MAGI1: variants seen among roughly 807,000 people sequenced by gnomAD.
MAGI1 encodes membrane-associated guanylate kinase, WW and PDZ domain-containing protein 1.
MAGI1 carries 58 observed loss-of-function variants against 139.9 expected under a neutral mutation model. The observed-to-expected ratio is 0.41, with a 90% confidence interval of 0.34 to 0.52. MAGI1 has a LOEUF of 0.52. Ranked by LOEUF, MAGI1 falls within the 20% of genes least tolerant of loss-of-function variation. The pLI is 0.12. For missense variants in MAGI1, 1,874 were observed against 1,901.6 expected (o/e 0.99, Z 0.27); for synonymous variants, 812 against 737.9 (o/e 1.10, Z -1.63).
Position 65,363,673 on chromosome 3 carries a change from ATTCTTGGC to A in MAGI1, c.3352-73_3352-66del. 12 of 1,444,144 alleles carry A rather than the reference ATTCTTGGC, an allele frequency of 8.3e-6. No individual in the cohort carries two copies. In the Admixed American group the frequency reaches 1.0e-4, roughly 12 times the overall value. 89.5% of individuals were successfully genotyped at this position (1,444,144 alleles called of 1,614,324 possible). On this transcript the variant is annotated intron_variant, in intron 20 of 22. Transcript: ENST00000402939. ...AATATCCATAGGACTCTTCCTAAAC[ATTCTTGGC>A]AAAAAGGCACAATCTCTATCCCCCT...
intron 2 of MAGI1, among the ~76,000 whole-genome samples, chr3:65,557,688 G>A (rs183855548): frequency 6.6e-4 from 100 of 152,240 alleles, no homozygotes; most frequent in African/African-American, 2.2e-3. Context: ...ATCGATCAGT[G>A]CCAGTCTCCT....
chr3:65,937,669 C>A (rs1190393528), intron 1 of MAGI1, among the ~76,000 whole-genome samples: 2 of 151,922 alleles, frequency 1.3e-5, no homozygotes, highest in Admixed American at 6.6e-5. Flanking sequence ...TAAGCCACTT[C>A]TTTTATTTTG....
At chr3:65,422,463 G>A (rs1575687220) in intron 12 of MAGI1, among the ~76,000 whole-genome samples, 1 of 152,128 alleles carries the variant, frequency 6.6e-6, no homozygotes, top group East Asian at 1.9e-4. Flanking sequence ...CTGGGGGGTG[G>A]TCAGTCTATT....
At chr3:65,760,376 A>T (rs1190006579) in intron 1 of MAGI1, among the ~76,000 whole-genome samples, 1 of 148,414 alleles carries the variant, frequency 6.7e-6, no homozygotes, top group Non-Finnish European at 1.5e-5. Context: ...GCAAGGAAGT[A>T]ACAGAGCGGT....
intron 1 of MAGI1, among the ~76,000 whole-genome samples, chr3:65,832,921 CA>C (rs2042604077): frequency 2.6e-5 from 4 of 152,160 alleles, no homozygotes; most frequent in Admixed American, 2.6e-4. Flanking sequence ...ATGACTGTAT[CA>C]AGGAAGCAGA....
At chr3:65,549,879 G>C (rs967348625) in intron 2 of MAGI1, among the ~76,000 whole-genome samples, 1 of 152,024 alleles carries the variant, frequency 6.6e-6, no homozygotes, top group African/African-American at 2.4e-5. Flanking sequence ...AGCAGGAAGA[G>C]AGCTGAACCT....
At chr3:65,640,763 C>T (rs1028240904) in intron 1 of MAGI1, among the ~76,000 whole-genome samples, 1 of 152,198 alleles carries the variant, frequency 6.6e-6, no homozygotes, top group African/African-American at 2.4e-5. Flanking sequence ...CCTAAAATAA[C>T]ATTTTAAAAC....
chr3:65,396,550 T>C (rs376766544), intron 13 of MAGI1, among the ~76,000 whole-genome samples: 3 of 152,212 alleles, frequency 2.0e-5, no homozygotes, highest in East Asian at 3.8e-4. Context: ...AAAATGTAGG[T>C]ACTTAGAAAG....
chr3:65,645,610 G>A (rs1208467171), intron 1 of MAGI1, among the ~76,000 whole-genome samples: 2 of 152,184 alleles, frequency 1.3e-5, no homozygotes, highest in East Asian at 3.9e-4. Flanking sequence ...GAAAAACAAT[G>A]AAAAGAGTAA....
At chr3:65,516,814 G>A (rs893106719) in intron 2 of MAGI1, among the ~76,000 whole-genome samples, 508 of 128,962 alleles carry the variant, frequency 3.9e-3, no homozygotes, top group Non-Finnish European at 6.1e-3. Context: ...TGCAAGCTCC[G>A]CCTCCCGGGT....
intron 1 of MAGI1, among the ~76,000 whole-genome samples, chr3:65,849,055 C>CTTTTTTTTTTTTTT (rs2059113059): frequency 4.2e-5 from 2 of 47,450 alleles, no homozygotes; most frequent in Non-Finnish European, 4.0e-5. Context: ...TGGAGTTTTG[C>CTTTTTTTTTTTTTT]TCTTTTTGCC....
chr3:65,717,458 C>G (rs2032411559), intron 1 of MAGI1: 1 of 152,112 alleles, frequency 6.6e-6, no homozygotes, highest in Non-Finnish European at 1.5e-5. Context: ...TAGTTACATA[C>G]TAGTAATGCA....
intron 1 of MAGI1, among the ~76,000 whole-genome samples, chr3:65,775,142 T>C (rs1389637966): frequency 6.6e-6 from 1 of 152,144 alleles, no homozygotes; most frequent in Admixed American, 6.6e-5. Flanking sequence ...TGAAATCCTA[T>C]GAATATAACA....
intron 1 of MAGI1, among the ~76,000 whole-genome samples, chr3:65,762,967 T>G (rs767182135): frequency 6.6e-6 from 1 of 152,118 alleles, no homozygotes; most frequent in Non-Finnish European, 1.5e-5. Flanking sequence ...GAACCAATAA[T>G]GGAAACAACA....
At chr3:65,518,266 C>T (rs1388959782) in intron 2 of MAGI1, among the ~76,000 whole-genome samples, 1 of 152,130 alleles carries the variant, frequency 6.6e-6, no homozygotes. Flanking sequence ...AAGTCTACCA[C>T]GGCACATTTT....
intron 5 of MAGI1, among the ~76,000 whole-genome samples, chr3:65,455,228 A>C (rs935690104): frequency 6.6e-6 from 1 of 152,210 alleles, no homozygotes. Flanking sequence ...AAACTATAGT[A>C]TACCGTGACA....
chr3:65,997,745 T>C (rs1382202755), intron 1 of MAGI1, among the ~76,000 whole-genome samples: 2 of 152,168 alleles, frequency 1.3e-5, no homozygotes, highest in East Asian at 1.9e-4. Flanking sequence ...TGTTCAACTA[T>C]TGCTTTTGTG....
chr3:65,716,340 C>T (rs138994889), intron 1 of MAGI1, among the ~76,000 whole-genome samples: 55 of 152,220 alleles, frequency 3.6e-4, no homozygotes, highest in African/African-American at 1.3e-3. Context: ...AGGCTGTGAA[C>T]ATAAATATAT....
intron 1 of MAGI1, among the ~76,000 whole-genome samples, chr3:65,789,142 C>T (rs2039587036): frequency 6.6e-6 from 1 of 152,148 alleles, no homozygotes; most frequent in Admixed American, 6.5e-5. Flanking sequence ...GATCGCACCA[C>T]TGCACTCCAG....
Sources: allele counts gnomAD v4.1 joint callset (sites outside exome capture counted in the v4.1 genomes callset), GRCh38; gene constraint gnomAD v4.1.1; transcripts MANE v1.5; gene names NCBI Gene and HGNC (gene_info 2026-07-23, HGNC 2026-07-21).